CDH3: variants seen among roughly 807,000 people sequenced by gnomAD.
CDH3 encodes the protein cadherin 3.
CDH3 carries 54 observed loss-of-function variants against 82.0 expected under a neutral mutation model. That is an observed-to-expected ratio of 0.66 (90% CI 0.53 to 0.83). CDH3 has a LOEUF of 0.83. Ranked by LOEUF, CDH3 falls within the 40% of genes least tolerant of loss-of-function variation. The pLI, the probability that CDH3 is intolerant of heterozygous loss-of-function variation, is 0.00. For missense variants in CDH3, 1,054 were observed against 1,084.6 expected (o/e 0.97, Z 0.40); for synonymous variants, 446 against 437.9 (o/e 1.02, Z -0.23).
chr16:68,718,797 A>G (rs1962124158), intron 1 of CDH3, among the ~76,000 whole-genome samples: 1 of 152,218 alleles, frequency 6.6e-6, no homozygotes, highest in African/African-American at 2.4e-5. Context: ...GAAGAATGAA[A>G]ACATATGTCC....
At position 68,660,966 on chromosome 16, in the gene CDH3, C is replaced by CA. The variant is rs10590071; in HGVS notation, c.160+15232dup. Among the ~76,000 whole-genome samples the CA allele has an allele frequency of 7.0e-3, 820 of 116,970 alleles. 6 individuals carry two copies. Among genetic ancestry groups the CA allele is most frequent in the African/African-American group, 0.016 (503 of 32,276 alleles). The allele number at this position is 116,970 out of a possible 152,430, so 76.7% of individuals were successfully genotyped here. ...TGGGCAACAGAGCAAGACTCCGTCT[C>CA]AAAAAAAAAAAAAAAAGAAGAAAAT... On this transcript the variant is annotated intron_variant, in intron 2 of 15. Coordinates refer to ENST00000264012, the MANE Select transcript of CDH3 (RefSeq NM_001793.6).
intron 1 of CDH3, among the ~76,000 whole-genome samples, chr16:68,711,307 CAGAGAGAG>C (rs549679844): frequency 3.8e-4 from 55 of 146,554 alleles, no homozygotes; most frequent in African/African-American, 1.4e-3. Flanking sequence ...GAAACTCCAG[CAGAGAGAG>C]AGAGAGGGAG....
At chr16:68,666,388 C>T (rs1424428887) in intron 2 of CDH3, among the ~76,000 whole-genome samples, 1 of 152,142 alleles carries the variant, frequency 6.6e-6, no homozygotes, top group African/African-American at 2.4e-5. Context: ...AGGGCTCTGG[C>T]AGGCCCTTGC....
chr16:68,709,877 C>T (rs866550089), intron 1 of CDH3, among the ~76,000 whole-genome samples: 1 of 152,228 alleles, frequency 6.6e-6, no homozygotes, highest in African/African-American at 2.4e-5. Flanking sequence ...ATGGAGTCCT[C>T]CCAGATATCC....
intron 2 of CDH3, among the ~76,000 whole-genome samples, chr16:68,675,054 A>G (rs1960991237): frequency 1.3e-5 from 2 of 151,300 alleles, no homozygotes; most frequent in Non-Finnish European, 3.0e-5. Flanking sequence ...TGGAGGTTGC[A>G]GTGAGCCGAG....
intron 2 of CDH3, among the ~76,000 whole-genome samples, chr16:68,725,131 G>A (rs1043405084): frequency 6.6e-6 from 1 of 152,206 alleles, no homozygotes; most frequent in African/African-American, 2.4e-5. Flanking sequence ...TGAGCAGTGG[G>A]AGGACACCCA....
rs538763528 is a variant in CDH3, at chr16:68,715,228, C to T, written c.100-7197C>T. Among the ~76,000 whole-genome samples, 5 of 151,864 alleles carry T rather than the reference C, an allele frequency of 3.3e-5. No individual in the cohort carries two copies. In the South Asian group the frequency reaches 1.0e-3, roughly 32 times the overall value. On this transcript the variant is annotated intron_variant, in intron 1 of 2. Coordinates refer to the CDH3 transcript ENST00000569080. Reference sequence around the variant, plus strand: ...ATCACTCGAAGCCAGGAGTTCGAGACCAGCCGTGCCAACATAGCAAAACCC... The same window carrying T: ...ATCACTCGAAGCCAGGAGTTCGAGATCAGCCGTGCCAACATAGCAAAACCC...
chr16:68,710,282 C>T (rs1008905704), intron 1 of CDH3, among the ~76,000 whole-genome samples: 1 of 152,222 alleles, frequency 6.6e-6, no homozygotes, highest in African/African-American at 2.4e-5. Flanking sequence ...TGCACTTGCC[C>T]TGTTAGGACT....
intron 2 of CDH3, among the ~76,000 whole-genome samples, chr16:68,652,930 G>C (rs746485532): frequency 5.3e-5 from 8 of 152,140 alleles, no homozygotes; most frequent in Admixed American, 2.6e-4. Context: ...CCACAATTCT[G>C]CTGTTGATGG....
intron 2 of CDH3, among the ~76,000 whole-genome samples, chr16:68,672,158 A>T (rs1960899101): frequency 1.3e-5 from 2 of 150,290 alleles, no homozygotes; most frequent in African/African-American, 4.9e-5. Flanking sequence ...GCGCCACTGC[A>T]CTCCAGCCTG....
chr16:68,731,371 A>C (rs1332557864), downstream of CDH3, among the ~76,000 whole-genome samples: 1 of 5,508 alleles, frequency 1.8e-4, no homozygotes, highest in Non-Finnish European at 3.6e-4. Context: ...TCCGTCTCAA[A>C]AAAAAAAAAA....
chr16:68,730,296 G>T (rs1962270172), downstream of CDH3, among the ~76,000 whole-genome samples: 2 of 150,730 alleles, frequency 1.3e-5, no homozygotes, highest in African/African-American at 4.9e-5. Context: ...GGAGGCTGAG[G>T]CGGGCGGATC....
intron 2 of CDH3, among the ~76,000 whole-genome samples, chr16:68,662,679 G>C (rs1302367412): frequency 6.6e-6 from 1 of 150,928 alleles, no homozygotes. Context: ...CGAGTAGCTG[G>C]AACTACAGGC....
intron 2 of CDH3, among the ~76,000 whole-genome samples, chr16:68,670,244 A>AGG (rs1567444124): frequency 1.4e-5 from 2 of 138,160 alleles, no homozygotes; most frequent in South Asian, 4.7e-4. Context: ...AAAAAAAAAA[A>AGG]GAACATCATT....
At chr16:68,662,542 G>A (rs1405031532) in intron 2 of CDH3, among the ~76,000 whole-genome samples, 1 of 132,694 alleles carries the variant, frequency 7.5e-6, no homozygotes, top group African/African-American at 2.8e-5. Context: ...GCTGAAGCCA[G>A]CCTTTTTTTT....
At chr16:68,689,599 C>T (rs1961510104) in intron 12 of CDH3, among the ~76,000 whole-genome samples, 1 of 151,630 alleles carries the variant, frequency 6.6e-6, no homozygotes, top group Non-Finnish European at 1.5e-5. Context: ...CTGCCATCGT[C>T]ATCAACAACT....
At chr16:68,730,360 C>G (rs1224146436), downstream of CDH3, among the ~76,000 whole-genome samples, 3 of 151,470 alleles carry the variant, frequency 2.0e-5, no homozygotes, top group African/African-American at 7.3e-5. Flanking sequence ...AACCCCGTCT[C>G]TACTAAAACC....
chr16:68,721,524 G>A (rs1038765106), intron 1 of CDH3, among the ~76,000 whole-genome samples: 3 of 151,958 alleles, frequency 2.0e-5, no homozygotes, highest in Non-Finnish European at 2.9e-5. Context: ...ATGAGCCACC[G>A]CACCCGGCCA....
rs902935875 is a variant in CDH3 at position 68,707,072 on chromosome 16, G to A, written c.99+11149G>A. On this transcript the variant is annotated intron_variant, in intron 1 of 2. Coordinates refer to the CDH3 transcript ENST00000569080. The surrounding 1 kb of genome is among the most constrained non-coding windows in gnomAD (Gnocchi z 4.5). The stretch of plus-strand genomic sequence containing the variant: ...GTAGGGCTCAGTTCTAGGAGCCAGG[G>A]AAGGCACTGCTGGGAAGGTGGCATT... Among the ~76,000 whole-genome samples, 1 of 152,228 alleles carries A rather than the reference G, an allele frequency of 6.6e-6. No individual in the cohort carries two copies. Among genetic ancestry groups the A allele is most frequent in the African/African-American group, 2.4e-5 (1 of 41,468 alleles).
Sources: allele counts gnomAD v4.1 joint callset (sites outside exome capture counted in the v4.1 genomes callset), GRCh38; gene constraint gnomAD v4.1.1; non-coding constraint Gnocchi (gnomAD v3.1); transcripts MANE v1.5; gene names NCBI Gene and HGNC (gene_info 2026-07-23, HGNC 2026-07-21).